The following ZBTB20 variants were observed in gnomAD, a reference collection of about 807,000 sequenced individuals.
ZBTB20 encodes the protein zinc finger and BTB domain-containing protein 20.
A neutral mutation model predicts 56.9 loss-of-function variants in ZBTB20; 9 were observed. The observed-to-expected ratio is 0.16, with a 90% CI of 0.10 to 0.28. The LOEUF is 0.28. Among genes scored for constraint, ZBTB20 ranks in the 10% least tolerant of loss-of-function variants. The probability of loss-of-function intolerance (pLI) is 1.00; values close to 1 mark genes in which losing one functional copy is unlikely to be tolerated. For missense variants in ZBTB20, 655 were observed against 1,003.0 expected (o/e 0.65, Z 4.69); for synonymous variants, 417 against 420.7 (o/e 0.99, Z 0.11).
chr3:114,417,396 G>A (rs2088678440), intron 7 of ZBTB20, among the ~76,000 whole-genome samples: 1 of 152,074 alleles, frequency 6.6e-6, no homozygotes, highest in Non-Finnish European at 1.5e-5. Flanking sequence ...ATGGTATTGT[G>A]TAGACTTCCA....
At position 114,351,112 on chromosome 3, in the gene ZBTB20, G is replaced by A; in HGVS notation, c.966C>T (p.Thr322=). The A allele has an allele frequency of 6.2e-7, 1 of 1,608,358 alleles. No homozygotes were observed. Among genetic ancestry groups the A allele is most frequent in the South Asian group, 1.1e-5 (1 of 90,886 alleles). The stretch of plus-strand genomic sequence containing the variant: ...GCTTGATGTGGATGTTGCCCACTAG[G>A]GTCTGGATGCGCACAGGCCGGGGCT... The part of the protein sequence containing the change: ...RKQPRPVRIQ[T]LVGNIHIKQE... The change falls in exon 11 of 12, where the codon ACC becomes ACT. Residue 322 remains threonine, a synonymous_variant. Transcript: ENST00000675478.
intron 6 of ZBTB20, among the ~76,000 whole-genome samples, chr3:114,667,180 C>T (rs565802791): frequency 1.3e-4 from 20 of 152,100 alleles, no homozygotes; most frequent in African/African-American, 4.8e-4. Flanking sequence ...TAAATAACTC[C>T]TCCATGCTTA....
intron 1 of ZBTB20, among the ~76,000 whole-genome samples, chr3:115,126,871 TAACA>T (rs1052561961): frequency 2.6e-5 from 4 of 152,084 alleles, no homozygotes; most frequent in South Asian, 2.1e-4. Flanking sequence ...TGATTTAAAA[TAACA>T]AACGAATGAA....
At chr3:115,092,254 T>G (rs1184318017) in intron 1 of ZBTB20, among the ~76,000 whole-genome samples, 4 of 148,276 alleles carry the variant, frequency 2.7e-5, no homozygotes, top group Admixed American at 2.0e-4. Flanking sequence ...TCCTGTTTTT[T>G]TGTTGTTGTT....
intron 5 of ZBTB20, among the ~76,000 whole-genome samples, chr3:114,714,541 G>GA (rs11294072): frequency 2.2e-3 from 297 of 137,442 alleles, no homozygotes; most frequent in Middle Eastern, 7.6e-3. Flanking sequence ...AGCATTTCAG[G>GA]AAAAAAAAAA....
At chr3:114,707,272 T>G (rs1237036673) in intron 5 of ZBTB20, among the ~76,000 whole-genome samples, 2 of 152,186 alleles carry the variant, frequency 1.3e-5, no homozygotes, top group Admixed American at 1.3e-4. Flanking sequence ...GTGCTACAAT[T>G]GTCCCACTAA....
intron 7 of ZBTB20, among the ~76,000 whole-genome samples, chr3:114,468,917 T>G (rs2092650804): frequency 6.6e-6 from 1 of 150,468 alleles, no homozygotes; most frequent in African/African-American, 2.5e-5. Context: ...ACATGGTTTG[T>G]CTGAAGTGAG....
chr3:114,783,484 G>C (rs904227774), intron 5 of ZBTB20, among the ~76,000 whole-genome samples: 1 of 151,996 alleles, frequency 6.6e-6, no homozygotes, highest in African/African-American at 2.4e-5. Flanking sequence ...TCCTACTCCA[G>C]TGTTTCTCTT....
At chr3:115,075,015 T>C (rs2082543956) in intron 1 of ZBTB20, among the ~76,000 whole-genome samples, 1 of 152,204 alleles carries the variant, frequency 6.6e-6, no homozygotes, top group South Asian at 2.1e-4. Context: ...TGTATTACTT[T>C]GTGTTTACGG....
chr3:114,508,417 T>C (rs137964715), intron 6 of ZBTB20, among the ~76,000 whole-genome samples: 66 of 152,284 alleles, frequency 4.3e-4, no homozygotes, highest in African/African-American at 1.5e-3. Flanking sequence ...GCCACTTTTC[T>C]TAAATAGAAG....
chr3:115,124,721 C>G (rs977729478), intron 1 of ZBTB20, among the ~76,000 whole-genome samples: 1 of 151,980 alleles, frequency 6.6e-6, no homozygotes, highest in East Asian at 1.9e-4. Context: ...AGAGCTGGCA[C>G]GGCAAATCAC....
At chr3:114,919,161 A>C (rs1245614768) in intron 3 of ZBTB20, among the ~76,000 whole-genome samples, 1 of 152,206 alleles carries the variant, frequency 6.6e-6, no homozygotes. Context: ...ACACAATATA[A>C]AAAGGTATAA....
At chr3:114,678,877 A>T (rs2061797952) in intron 6 of ZBTB20, among the ~76,000 whole-genome samples, 1 of 152,214 alleles carries the variant, frequency 6.6e-6, no homozygotes, top group Admixed American at 6.5e-5. Context: ...ATGTGATCTG[A>T]AAAGTAGTAA....
chr3:114,631,545 A>G (rs1393495892), intron 6 of ZBTB20, among the ~76,000 whole-genome samples: 1 of 151,250 alleles, frequency 6.6e-6, no homozygotes, highest in African/African-American at 2.4e-5. Context: ...GACATGTGCC[A>G]CCACACCCAG....
At chr3:114,383,215 T>C (rs1487078222) in intron 8 of ZBTB20, among the ~76,000 whole-genome samples, 2 of 152,178 alleles carry the variant, frequency 1.3e-5, no homozygotes, top group Non-Finnish European at 2.9e-5. Context: ...CATTTAAATA[T>C]AGGGTCAAAA....
chr3:114,742,303 G>A (rs2066664214), intron 5 of ZBTB20, among the ~76,000 whole-genome samples: 1 of 152,084 alleles, frequency 6.6e-6, no homozygotes, highest in African/African-American at 2.4e-5. Context: ...ATATGTGTAG[G>A]AAGTAAGAAC....
intron 2 of ZBTB20, among the ~76,000 whole-genome samples, chr3:115,045,959 C>A (rs886180892): frequency 1.3e-5 from 2 of 152,172 alleles, no homozygotes; most frequent in African/African-American, 4.8e-5. Context: ...TGTTTACAAT[C>A]TTTCATCAAG....
rs191619425 is a variant in ZBTB20, at chr3:114,994,209, A to G, written c.-506-19793T>C. ...CAATCAATTTACAAACTCAAATGAA[A>G]TAAGCAGTTTCCTAGAAACATGAAA... is the stretch of plus-strand genomic sequence containing the variant. On this transcript the variant is annotated intron_variant, in intron 2 of 11. Coordinates refer to ENST00000675478, the MANE Select transcript of ZBTB20 (RefSeq NM_001348800.3). 1.1e-4 allele frequency among the ~76,000 whole-genome samples: 16 copies of G among 151,994 alleles called. No individual in the cohort carries two copies. In the East Asian group the frequency reaches 2.5e-3, roughly 24 times the overall value.
chr3:114,410,847 C>T (rs189625827), intron 7 of ZBTB20, among the ~76,000 whole-genome samples: 2 of 152,176 alleles, frequency 1.3e-5, no homozygotes, highest in African/African-American at 4.8e-5. Context: ...CATTTTGAGC[C>T]GCCCATTTTC....
Sources: gnomAD v4.1 joint callset for allele counts (sites outside exome capture counted in the v4.1 genomes callset) on GRCh38, gnomAD v4.1.1 for gene constraint, MANE v1.5 for transcripts, NCBI Gene and HGNC (gene_info 2026-07-23, HGNC 2026-07-21) for gene names.